TP63: variants seen among roughly 807,000 people sequenced by gnomAD.
TP63 encodes the protein tumor protein 63.
In TP63, 17 loss-of-function variants were observed where a neutral mutation model predicts 82.8. That is an observed-to-expected ratio of 0.21 (90% confidence interval 0.14 to 0.31). The LOEUF (loss-of-function observed/expected upper bound fraction) is 0.31, where lower values mean the gene tolerates loss of function less well. Among genes scored for constraint, TP63 ranks in the 10% least tolerant of loss-of-function variants. TP63 has a pLI of 1.00. For missense variants in TP63, 648 were observed against 895.3 expected, an observed-to-expected ratio of 0.72 and a Z score of 3.52; for synonymous variants, 330 against 321.7, an observed-to-expected ratio of 1.03 and a Z score of -0.28.
intron 4 of TP63, among the ~76,000 whole-genome samples, chr3:189,852,841 T>C (rs13059768): frequency 0.29 from 44,253 of 151,936 alleles, 6,835 homozygotes; most frequent in Admixed American, 0.42. Flanking sequence ...TCTGCTCGGC[T>C]ACTCCTCCTC....
intron 4 of TP63, among the ~76,000 whole-genome samples, chr3:189,809,085 A>G (rs1469449911): frequency 1.4e-5 from 2 of 146,494 alleles, no homozygotes; most frequent in Non-Finnish European, 3.1e-5. Context: ...ATTACTATTT[A>G]TAATTTATCA....
intron 1 of TP63, among the ~76,000 whole-genome samples, chr3:189,728,874 C>T (rs1719959742): frequency 6.6e-6 from 1 of 152,162 alleles, no homozygotes; most frequent in Non-Finnish European, 1.5e-5. Context: ...CTGCCCTTGA[C>T]ACATGGGGAT....
intron 11 of TP63, 142 bp downstream of exon 11, chr3:189,886,693 CTGACTGAACCTTT>C: frequency 8.6e-7 from 1 of 1,167,174 alleles, no homozygotes; most frequent in Non-Finnish European, 1.2e-6. Context: ...GCTTGGGTTT[CTGACTGAACCTTT>C]CACTTTTGAG....
intron 3 of TP63, among the ~76,000 whole-genome samples, chr3:189,764,203 T>A (rs1722776670): frequency 6.6e-6 from 1 of 152,162 alleles, no homozygotes; most frequent in Non-Finnish European, 1.5e-5. Flanking sequence ...TCTGTCCCAA[T>A]ATCCATTCAG....
At chr3:189,737,603 G>C (rs938229121) in intron 1 of TP63, 137 bp from the exon 2 acceptor site, 1 of 1,123,948 alleles carries the variant, frequency 8.9e-7, no homozygotes. Context: ...TGTGCAACTT[G>C]TAACATGTGC....
At chr3:189,774,648 T>G (rs1723641051) in intron 3 of TP63, among the ~76,000 whole-genome samples, 1 of 152,184 alleles carries the variant, frequency 6.6e-6, no homozygotes, top group Non-Finnish European at 1.5e-5. Flanking sequence ...ACCCTTACAG[T>G]TACCTGTAAA....
At chr3:189,675,992 G>T (rs1715361771) in intron 1 of TP63, among the ~76,000 whole-genome samples, 1 of 151,666 alleles carries the variant, frequency 6.6e-6, no homozygotes, top group Non-Finnish European at 1.5e-5. Flanking sequence ...AAAACCATTA[G>T]TAAAGATTTT....
chr3:189,868,848 C>A, intron 8 of TP63, 132 bp downstream of exon 8: 1 of 1,405,712 alleles, frequency 7.1e-7, no homozygotes, highest in Non-Finnish European at 1.0e-6. Context: ...GCCCTCAGAG[C>A]CAGTGAGAAT....
intron 4 of TP63, among the ~76,000 whole-genome samples, chr3:189,813,578 A>G (rs1019666934): frequency 6.9e-6 from 1 of 144,324 alleles, no homozygotes; most frequent in Non-Finnish European, 1.5e-5. Flanking sequence ...TGCATACGCC[A>G]TGAAAATCCT....
chr3:189,716,200 C>G (rs1167754087), intron 1 of TP63, among the ~76,000 whole-genome samples: 1 of 152,098 alleles, frequency 6.6e-6, no homozygotes, highest in Non-Finnish European at 1.5e-5. Flanking sequence ...CGTTACTGAC[C>G]TTTGTATTCT....
chr3:189,601,538 A>T, the TP63 span, among the ~76,000 whole-genome samples: 2 of 151,852 alleles, frequency 1.3e-5, no homozygotes, highest in Admixed American at 6.6e-5. Context: ...GAAAATTCTG[A>T]ATTTACCATC....
intron 10 of TP63, among the ~76,000 whole-genome samples, chr3:189,874,263 G>T (rs929630317): frequency 6.6e-5 from 10 of 152,020 alleles, no homozygotes; most frequent in Non-Finnish European, 1.5e-4. Context: ...GTAGAGATGG[G>T]GTTTCACCAT....
upstream of TP63, chr3:189,631,214 C>T (rs542781876): frequency 1.3e-5 from 13 of 985,094 alleles, no homozygotes; most frequent in Middle Eastern, 5.2e-4. Context: ...GGCTACTATA[C>T]GTCAAGGACT....
At position 189,738,690 on chromosome 3, in the gene TP63, A is replaced by T; in HGVS notation, c.240A>T (p.Pro80=). 2 of 1,614,154 alleles carry T rather than the reference A, an allele frequency of 1.2e-6. No individual in the cohort carries two copies. Among genetic ancestry groups the T allele is most frequent in the Non-Finnish European group, 1.7e-6 (2 of 1,180,004 alleles). ...QPIDLNFVDE[P]SEDGATNKIE... ...TTGACTTGAACTTTGTGGATGAACC[A>T]TCAGAAGATGGTGCGACAAACAAGA... The change falls in exon 3 of 14, where the codon CCA becomes CCT. Residue 80 remains proline (P), a synonymous_variant. Coordinates refer to ENST00000264731, the MANE Select transcript of TP63 (RefSeq NM_003722.5).
the TP63 span, among the ~76,000 whole-genome samples, chr3:189,624,145 A>T: frequency 2.0e-5 from 3 of 152,294 alleles, no homozygotes; most frequent in East Asian, 5.8e-4. Context: ...TTAGAAATCC[A>T]TAGTTATGGT....
At chr3:189,734,008 GAC>G (rs1720361796) in intron 1 of TP63, among the ~76,000 whole-genome samples, 2 of 151,718 alleles carry the variant, frequency 1.3e-5, no homozygotes, top group Admixed American at 6.6e-5. Context: ...ACCTCATAGA[GAC>G]ATAGTTTTCT....
At chr3:189,743,173 A>G (rs1177857069) in intron 3 of TP63, among the ~76,000 whole-genome samples, 2 of 152,202 alleles carry the variant, frequency 1.3e-5, no homozygotes, top group African/African-American at 4.8e-5. Flanking sequence ...AGATATAGGT[A>G]ATTCACAAAT....
At chr3:189,657,532 G>A (rs893110096) in intron 1 of TP63, among the ~76,000 whole-genome samples, 2 of 152,098 alleles carry the variant, frequency 1.3e-5, no homozygotes, top group African/African-American at 2.4e-5. Context: ...CACTCTCTTT[G>A]ATGAAGCTTT....
the TP63 span, among the ~76,000 whole-genome samples, chr3:189,625,483 A>G: frequency 6.6e-6 from 1 of 152,190 alleles, no homozygotes; most frequent in African/African-American, 2.4e-5. Flanking sequence ...AATGCAACAT[A>G]TCATCCAAGA....
Sources: gnomAD v4.1 joint callset for allele counts (sites outside exome capture counted in the v4.1 genomes callset) on GRCh38, gnomAD v4.1.1 for gene constraint, MANE v1.5 for transcripts, NCBI Gene and HGNC (gene_info 2026-07-23, HGNC 2026-07-21) for gene names.